KDM2A: variants seen among roughly 807,000 people sequenced by gnomAD.
KDM2A encodes lysine-specific demethylase 2A.
KDM2A carries 3 observed loss-of-function variants against 137.3 expected under a neutral mutation model. The ratio of observed to expected loss-of-function variants is 0.02; its 90% confidence interval spans 0.01 to 0.06. KDM2A has a LOEUF of 0.06. Among genes scored for constraint, KDM2A ranks in the 10% least tolerant of loss-of-function variants. The pLI is 1.00. For missense variants in KDM2A, 738 were observed against 1,510.6 expected (o/e 0.49, Z 8.48); for synonymous variants, 512 against 541.5 (o/e 0.95, Z 0.76).
chr11:67,121,515 G>A (rs1415792549), intron 2 of KDM2A, among the ~76,000 whole-genome samples, 157 bp downstream of exon 2: 4 of 152,154 alleles, frequency 2.6e-5, no homozygotes, highest in African/African-American at 9.7e-5. Context: ...ATCGAATTTG[G>A]CTTTTGGCCA....
chr11:67,143,384 G>A (rs1379154236), intron 2 of KDM2A: 2 of 152,000 alleles, frequency 1.3e-5, no homozygotes, highest in African/African-American at 2.4e-5. Context: ...ATGAAATAGT[G>A]TTGGTTCAGT....
At chr11:67,162,320 G>A (rs1856653655) in intron 2 of KDM2A, among the ~76,000 whole-genome samples, 1 of 152,114 alleles carries the variant, frequency 6.6e-6, no homozygotes, top group Non-Finnish European at 1.5e-5. Flanking sequence ...CTTATTGCCT[G>A]TAAATATATA....
chr11:67,247,190 A>G (rs1241024122), intron 15 of KDM2A, among the ~76,000 whole-genome samples: 1 of 140,620 alleles, frequency 7.1e-6, no homozygotes, highest in Non-Finnish European at 1.5e-5. Context: ...CTGGTGTTCA[A>G]GTGATTCTCC....
At chr11:67,216,786 G>A (rs1858172668) in intron 8 of KDM2A, among the ~76,000 whole-genome samples, 1 of 152,170 alleles carries the variant, frequency 6.6e-6, no homozygotes, top group Non-Finnish European at 1.5e-5. Flanking sequence ...TGGGTGTGGT[G>A]GTACATGCCT....
intron 2 of KDM2A, among the ~76,000 whole-genome samples, chr11:67,122,651 A>ATT (rs1855624334): frequency 8.2e-6 from 1 of 121,800 alleles, no homozygotes; most frequent in East Asian, 2.1e-4. Flanking sequence ...ATTTTTATTT[A>ATT]TTTATTTATT....
intron 2 of KDM2A, among the ~76,000 whole-genome samples, chr11:67,144,706 G>A (rs887855227): frequency 2.0e-5 from 3 of 151,396 alleles, no homozygotes; most frequent in Non-Finnish European, 4.4e-5. Flanking sequence ...TGGGAGTACC[G>A]GCACGCACCA....
intron 2 of KDM2A, among the ~76,000 whole-genome samples, chr11:67,144,772 C>T (rs778966665): frequency 2.0e-5 from 3 of 150,670 alleles, no homozygotes; most frequent in Non-Finnish European, 4.4e-5. Context: ...CTCCATGTTA[C>T]CCAGGTTGGT....
chr11:67,242,334 A>G (rs532560601), intron 12 of KDM2A, among the ~76,000 whole-genome samples: 13 of 151,878 alleles, frequency 8.6e-5, no homozygotes, highest in Non-Finnish European at 1.8e-4. Flanking sequence ...GAGATTTGAG[A>G]TTGAGATTTC....
intron 11 of KDM2A, 117 bp from the exon 12 acceptor site, chr11:67,231,449 T>C: frequency 8.6e-6 from 8 of 930,094 alleles, no homozygotes; most frequent in Non-Finnish European, 1.3e-5. Context: ...ACCATTTTTT[T>C]AAATGTGGTA....
At chr11:67,228,664 C>T (rs1447754832) in intron 11 of KDM2A, among the ~76,000 whole-genome samples, 9 of 137,532 alleles carry the variant, frequency 6.5e-5, no homozygotes, top group Admixed American at 3.2e-4. Flanking sequence ...CTAGCCTGGG[C>T]GACAGAGTGA....
In KDM2A at chr11:67,219,391, A is replaced by G; in HGVS notation, c.945A>G (p.Glu315=). 6.3e-7 allele frequency: 1 copy of G among 1,598,532 alleles called. No homozygotes were observed. The highest frequency in any genetic ancestry group is 2.3e-5 in the East Asian group (1 of 44,082). ...TGCAGTTAAAAATATACAACATTGA[A>G]GATCGGACACGGGTAAGTAATCTTA... The part of the protein sequence containing the change: ...IPMQLKIYNI[E]DRTRVPNKFR... The change falls in exon 10 of 21, where the codon GAA becomes GAG. Residue 315 remains glutamate, a synonymous_variant. Coordinates refer to ENST00000529006, the MANE Select transcript of KDM2A (RefSeq NM_012308.3).
chr11:67,157,632 C>T (rs978165995), intron 2 of KDM2A, among the ~76,000 whole-genome samples: 7 of 151,304 alleles, frequency 4.6e-5, no homozygotes, highest in Admixed American at 3.3e-4. Context: ...GAAATCCCAG[C>T]TACTCGGGAG....
intron 12 of KDM2A, among the ~76,000 whole-genome samples, chr11:67,236,535 A>G (rs1371020521): frequency 6.6e-6 from 1 of 152,228 alleles, no homozygotes; most frequent in Non-Finnish European, 1.5e-5. Flanking sequence ...TTATATAACA[A>G]TATATCTGGC....
At chr11:67,214,733 A>G (rs1011966589) in intron 6 of KDM2A, among the ~76,000 whole-genome samples, 1 of 152,152 alleles carries the variant, frequency 6.6e-6, no homozygotes, top group African/African-American at 2.4e-5. Context: ...TGGCCTTCCA[A>G]AGCTCTGGGA....
intron 5 of KDM2A, among the ~76,000 whole-genome samples, chr11:67,185,915 G>A (rs779768853): frequency 9.9e-5 from 15 of 151,842 alleles, no homozygotes; most frequent in Non-Finnish European, 1.9e-4. Context: ...AGAACTGTGA[G>A]CGAATAAATT....
At chr11:67,129,853 G>A (rs2136282468) in intron 2 of KDM2A, among the ~76,000 whole-genome samples, 2 of 151,442 alleles carry the variant, frequency 1.3e-5, no homozygotes, top group African/African-American at 4.8e-5. Flanking sequence ...AGAGGTTGCT[G>A]TACGCCGAGA....
intron 2 of KDM2A, among the ~76,000 whole-genome samples, chr11:67,158,693 C>T (rs1177471643): frequency 6.6e-6 from 1 of 152,054 alleles, no homozygotes; most frequent in Non-Finnish European, 1.5e-5. Context: ...GATGGTGTCT[C>T]ACTATGTTAC....
intron 4 of KDM2A, among the ~76,000 whole-genome samples, 195 bp downstream of exon 4, chr11:67,181,593 CAA>C (rs367906544): frequency 3.1e-5 from 4 of 129,122 alleles, no homozygotes; most frequent in Non-Finnish European, 5.1e-5. Context: ...ATAGATGAAC[CAA>C]AAAAAAAAAA....
intron 16 of KDM2A, among the ~76,000 whole-genome samples, chr11:67,249,196 T>C (rs1318528056): frequency 6.6e-6 from 1 of 152,216 alleles, no homozygotes; most frequent in Non-Finnish European, 1.5e-5. Context: ...TTCTCCTTAG[T>C]TCTTGCACTA....
Sources: gnomAD v4.1 joint callset for allele counts (sites outside exome capture counted in the v4.1 genomes callset) on GRCh38, gnomAD v4.1.1 for gene constraint, MANE v1.5 for transcripts, NCBI Gene and HGNC (gene_info 2026-07-23, HGNC 2026-07-21) for gene names.